Variants in TAF8 observed in about 807,000 individuals in gnomAD.
TAF8 encodes the protein transcription initiation factor TFIID subunit 8.
In TAF8, 47 loss-of-function variants were observed where a neutral mutation model predicts 36.5. That is an observed-to-expected ratio of 1.29 (90% CI 1.02 to 1.64). TAF8 has a LOEUF of 1.64. Among genes scored for constraint, TAF8 ranks in the 40% most tolerant of loss-of-function variants. The pLI is 0.00. For synonymous variants in TAF8, 175 were observed against 159.5 expected (o/e 1.10, Z -0.73); for missense variants, 420 against 407.6 (o/e 1.03, Z -0.26).
At position 42,066,335 on chromosome 6, in the gene TAF8, CT is replaced by C; in HGVS notation, c.514del (p.Tyr172ThrfsTer42). The C allele has an allele frequency of 6.2e-7, 1 of 1,614,146 alleles. No individual in the cohort carries two copies. Among genetic ancestry groups the C allele is most frequent in the South Asian group, 1.1e-5 (1 of 91,088 alleles). ...TPTYREPVSD[Y>X]QVLREKAASQ... ...AGACGTACCGTGAGCCCGTGTCAGA[CT>C]ACCAGGTCCTGCGGGAGAAGGCTGC... On this transcript the variant is annotated frameshift_variant, in exon 6 of 9. Coordinates refer to ENST00000372977, the MANE Select transcript of TAF8 (RefSeq NM_138572.3). LOFTEE classifies it high-confidence loss of function.
At chr6:42,050,751 G>C in intron 1 of TAF8, 165 bp downstream of exon 1, 1 of 1,011,054 alleles carries the variant, frequency 9.9e-7, no homozygotes, top group Non-Finnish European at 1.4e-6. Flanking sequence ...GGACTTGGCT[G>C]CGGCCTCCGG....
downstream of TAF8, chr6:42,087,089 G>C (rs968916195): frequency 5.6e-6 from 2 of 359,816 alleles, no homozygotes; most frequent in Admixed American, 8.0e-5. Flanking sequence ...CCTTCCTCTG[G>C]CTTCACAGAA....
In TAF8 at chr6:42,066,444, G is replaced by A. The variant is rs778507860; in HGVS notation, c.622G>A (p.Val208Ile). Reference protein sequence around the residue: ...GETQSLFKDDVSTFPLIAARP... With the variant: ...GETQSLFKDDISTFPLIAARP... ...GACTCAGAGTCTTTTCAAAGATGACGTCAGCACATTTCCATGTGAGAGTTG... is the reference window on the plus strand; with the variant it reads ...GACTCAGAGTCTTTTCAAAGATGACATCAGCACATTTCCATGTGAGAGTTG... Residue 208 changes from valine (V) to isoleucine (I), a missense_variant, in exon 6 of 9, where the codon GTC becomes ATC. Transcript: ENST00000372977. The A allele has an allele frequency of 9.3e-6, 15 of 1,614,066 alleles. No homozygotes were observed. Among genetic ancestry groups the A allele is most frequent in the African/African-American group, 2.7e-5 (2 of 74,936 alleles).
Position 42,077,223 on chromosome 6 carries a change from A to G in TAF8, c.904A>G (p.Lys302Glu). ...NPYLRPVKKP[K>E]IRRKKSLS ...TTATCTGCGGCCGGTGAAGAAGCCCAAGATCCGCAGGAAGAAGTGAGTTGG... is the reference window on the plus strand; with the variant it reads ...TTATCTGCGGCCGGTGAAGAAGCCCGAGATCCGCAGGAAGAAGTGAGTTGG... Residue 302 changes from lysine to glutamate, a missense_variant, in exon 8 of 9, where the codon AAG becomes GAG. Transcript: ENST00000372977. The G allele has an allele frequency of 6.2e-7, 1 of 1,613,494 alleles. No homozygotes were observed. Among genetic ancestry groups the G allele is most frequent in the South Asian group, 1.1e-5 (1 of 91,006 alleles).
Position 42,068,607 on chromosome 6 carries a change from G to C in TAF8, c.780G>C (p.Met260Ile). ...AGAACCTTGCTCTTCATATCAGCAT[G>C]GTGGGTTCCACCTTCTGCCTACCTC... ...DTENLALHIS[M>I]EDSGAEKENT... Residue 260 changes from methionine (M) to isoleucine (I), a missense_variant and splice_region_variant, in exon 7 of 9, where the codon ATG (methionine) becomes ATC (isoleucine). Coordinates refer to ENST00000372977, the MANE Select transcript of TAF8 (RefSeq NM_138572.3). 1 of 1,612,486 alleles carries C rather than the reference G, an allele frequency of 6.2e-7. No individual in the cohort carries two copies. Among genetic ancestry groups the C allele is most frequent in the Non-Finnish European group, 8.5e-7 (1 of 1,179,966 alleles).
At chr6:42,086,680 GA>G, downstream of TAF8, 1 of 1,550,648 alleles carries the variant, frequency 6.4e-7, no homozygotes. Flanking sequence ...AATCCAAATA[GA>G]ATGAGCAAAG....
At chr6:42,086,276 G>GT (rs1291818397), downstream of TAF8, among the ~76,000 whole-genome samples, 1 of 152,226 alleles carries the variant, frequency 6.6e-6, no homozygotes, top group Admixed American at 6.5e-5. Flanking sequence ...AACGCCATGT[G>GT]TTTTACACTT....
chr6:42,058,567 A>T (rs993375048), intron 5 of TAF8, among the ~76,000 whole-genome samples: 2 of 152,116 alleles, frequency 1.3e-5, no homozygotes, highest in African/African-American at 4.8e-5. Context: ...CCTGCATACC[A>T]TATAGTGATG....
downstream of TAF8, chr6:42,086,782 T>C (rs1766035785): frequency 7.8e-6 from 12 of 1,546,072 alleles, no homozygotes; most frequent in Non-Finnish European, 9.6e-6. Context: ...CCCAAGGAGA[T>C]CGGTCACCAG....
At chr6:42,050,615 C>T (rs1221065990) in intron 1 of TAF8, 29 bp downstream of exon 1, 1 of 1,538,812 alleles carries the variant, frequency 6.5e-7, no homozygotes, top group Non-Finnish European at 8.7e-7. Flanking sequence ...GGCTCGGAGC[C>T]GAGAGAGTTT....
At chr6:42,064,849 C>T (rs1233009788) in intron 5 of TAF8, among the ~76,000 whole-genome samples, 4 of 142,180 alleles carry the variant, frequency 2.8e-5, no homozygotes, top group Non-Finnish European at 4.5e-5. Context: ...CCCAGCTACT[C>T]GGGAGGCTGA....
downstream of TAF8, chr6:42,086,836 C>A: frequency 7.6e-7 from 1 of 1,318,800 alleles, no homozygotes; most frequent in Non-Finnish European, 1.1e-6. Flanking sequence ...CGGAAGCAAA[C>A]CCAGGCTCTG....
In TAF8 at chr6:42,066,329, G is replaced by A; in HGVS notation, c.507G>A (p.Val169=). Residue 169 remains valine, a synonymous_variant, in exon 6 of 9, where the codon GTG becomes GTA. Transcript: ENST00000372977. ...YIKTPTYREP[V]SDYQVLREKA... is the part of the protein sequence containing the mutation. ...CTTCGTAGACGTACCGTGAGCCCGT[G>A]TCAGACTACCAGGTCCTGCGGGAGA... is the stretch of plus-strand genomic sequence containing the variant. 6.2e-7 allele frequency: 1 copy of A among 1,614,116 alleles called. No individual in the cohort carries two copies. Among genetic ancestry groups the A allele is most frequent in the Non-Finnish European group, 8.5e-7 (1 of 1,180,022 alleles).
chr6:42,051,538 T>G, intron 2 of TAF8, 25 bp downstream of exon 2: 1 of 1,609,248 alleles, frequency 6.2e-7, no homozygotes, highest in Non-Finnish European at 8.5e-7. Flanking sequence ...ACACTTGGCC[T>G]TGGAGTCAAC....
At chr6:42,053,922 T>G (rs1284244513) in intron 2 of TAF8, among the ~76,000 whole-genome samples, 1 of 152,214 alleles carries the variant, frequency 6.6e-6, no homozygotes, top group Non-Finnish European at 1.5e-5. Flanking sequence ...TATTAGTGAC[T>G]TGCTCAGTAT....
chr6:42,058,454 A>C (rs1765082254), intron 5 of TAF8, among the ~76,000 whole-genome samples: 1 of 152,194 alleles, frequency 6.6e-6, no homozygotes, highest in African/African-American at 2.4e-5. Context: ...CTGAATGAGG[A>C]GAAGATGAAT....
At chr6:42,060,260 A>C (rs538005916) in intron 5 of TAF8, among the ~76,000 whole-genome samples, 1 of 152,178 alleles carries the variant, frequency 6.6e-6, no homozygotes, top group African/African-American at 2.4e-5. Flanking sequence ...ACAACAGTGT[A>C]CTATAGTTTT....
intron 5 of TAF8, among the ~76,000 whole-genome samples, chr6:42,064,308 A>G (rs1391440187): frequency 6.6e-6 from 1 of 152,060 alleles, no homozygotes; most frequent in Non-Finnish European, 1.5e-5. Flanking sequence ...GCTGGAGTGC[A>G]GTGGTGTGAT....
At chr6:42,072,051 T>C (rs1765597107) in intron 7 of TAF8, among the ~76,000 whole-genome samples, 2 of 152,188 alleles carry the variant, frequency 1.3e-5, no homozygotes, top group Non-Finnish European at 2.9e-5. Flanking sequence ...GCTTGCCACA[T>C]GTGTGACCGT....
Sources: gnomAD v4.1 joint callset for allele counts (sites outside exome capture counted in the v4.1 genomes callset) on GRCh38, gnomAD v4.1.1 for gene constraint, MANE v1.5 for transcripts, NCBI Gene and HGNC (gene_info 2026-07-23, HGNC 2026-07-21) for gene names.